Variants in FA2H observed in about 807,000 individuals in gnomAD.
FA2H encodes fatty acid alpha-hydroxylase.
In FA2H, 22 loss-of-function variants were observed where a neutral mutation model predicts 44.9. The ratio of observed to expected loss-of-function variants is 0.49; its 90% CI spans 0.35 to 0.70. The LOEUF is 0.70. Among genes scored for constraint, FA2H ranks in the 30% least tolerant of loss-of-function variants. The pLI, the probability that FA2H is intolerant of heterozygous loss-of-function variation, is 0.01. For missense variants in FA2H, 501 were observed against 504.9 expected (o/e 0.99, Z 0.07); for synonymous variants, 243 against 213.2 (o/e 1.14, Z -1.22).
chr16:74,725,080 A>G (rs929423576), intron 4 of FA2H, among the ~76,000 whole-genome samples: 13 of 152,158 alleles, frequency 8.5e-5, no homozygotes, highest in Admixed American at 7.9e-4. Flanking sequence ...TGAGCTATTC[A>G]GCGTGAGCAG....
rs1208446986 is a variant in FA2H, at chr16:74,741,808, A to ATG, written c.271-1695_271-1694dup. On this transcript the variant is annotated intron_variant, in intron 1 of 6. Coordinates refer to ENST00000219368, the MANE Select transcript of FA2H (RefSeq NM_024306.5). ...TATATATATATATATATATATATAT[A>ATG]TGTGTGTGTGTGTGTGTGTGTGTGT... Among the ~76,000 whole-genome samples, 278 of 48,260 alleles carry ATG rather than the reference A, an allele frequency of 5.8e-3. 3 individuals carry two copies. The highest frequency in any genetic ancestry group is 0.016 in the Middle Eastern group (2 of 122). The allele number at this position is 48,260 out of a possible 152,430, so 31.7% of individuals were successfully genotyped here. A position where few individuals can be genotyped will look rare whatever the true frequency, so the allele number is the denominator to read the frequency against.
intron 4 of FA2H, among the ~76,000 whole-genome samples, chr16:74,720,053 C>T (rs1207991565): frequency 4.6e-5 from 7 of 152,222 alleles, no homozygotes; most frequent in African/African-American, 1.7e-4. Flanking sequence ...GCACATGCTT[C>T]CCACCACCCT....
intron 1 of FA2H, among the ~76,000 whole-genome samples, chr16:74,761,416 G>A (rs2144658751): frequency 6.6e-6 from 1 of 151,038 alleles, no homozygotes; most frequent in East Asian, 2.0e-4. Flanking sequence ...TCACGCCACT[G>A]CACTCCAGCC....
chr16:74,723,445 C>T (rs1437491622), intron 4 of FA2H, among the ~76,000 whole-genome samples: 2 of 152,198 alleles, frequency 1.3e-5, no homozygotes, highest in African/African-American at 2.4e-5. Flanking sequence ...TGGGTGGCCA[C>T]GCCCTACTGG....
chr16:74,739,701 T>G (rs1314021182), intron 2 of FA2H, among the ~76,000 whole-genome samples: 2 of 152,196 alleles, frequency 1.3e-5, no homozygotes, highest in Non-Finnish European at 2.9e-5. Flanking sequence ...TGTCTGGGCC[T>G]GCCAAGCCTG....
intron 2 of FA2H, among the ~76,000 whole-genome samples, chr16:74,739,623 C>T (rs1962252097): frequency 6.6e-6 from 1 of 152,200 alleles, no homozygotes; most frequent in Admixed American, 6.5e-5. Flanking sequence ...CTGCACTGGC[C>T]AATGTCGCTT....
chr16:74,748,107 T>C (rs1597562308), intron 1 of FA2H, among the ~76,000 whole-genome samples: 1 of 151,998 alleles, frequency 6.6e-6, no homozygotes, highest in East Asian at 1.9e-4. Flanking sequence ...GGCATTCAAA[T>C]AGGACAGGCA....
intron 5 of FA2H, among the ~76,000 whole-genome samples, chr16:74,717,505 G>A (rs73614659): frequency 0.072 from 10,926 of 152,264 alleles, 803 homozygotes; most frequent in African/African-American, 0.19. Flanking sequence ...CCTGCAGTGT[G>A]AAAACTGCCC....
intron 1 of FA2H, among the ~76,000 whole-genome samples, chr16:74,771,513 T>C (rs542350692): frequency 3.3e-5 from 5 of 152,126 alleles, no homozygotes; most frequent in African/African-American, 1.2e-4. Flanking sequence ...TTTTTGTATT[T>C]TTAGTAGGGA....
rs1036642494 is a variant in FA2H at position 74,713,948 on chromosome 16, G to A, written c.*242C>T. ...TGTGGGCTGAGCTCTAGGCAGGGACGCTCCAGGAAGAAGTGGGTCACCAAG... is the reference window on the plus strand; with the variant it reads ...TGTGGGCTGAGCTCTAGGCAGGGACACTCCAGGAAGAAGTGGGTCACCAAG... On this transcript the variant is annotated 3_prime_UTR_variant, in exon 7 of 7. Coordinates refer to ENST00000219368, the MANE Select transcript of FA2H (RefSeq NM_024306.5). 1.5e-5 allele frequency: 8 copies of A among 547,148 alleles called. No individual in the cohort carries two copies. In the East Asian group the frequency reaches 1.5e-4, roughly 10 times the overall value. The allele number at this position is 547,148 out of a possible 1,614,324, so 33.9% of individuals were successfully genotyped here. A position where few individuals can be genotyped will look rare whatever the true frequency, so the allele number is the denominator to read the frequency against.
At chr16:74,736,872 T>C (rs1275693573) in intron 2 of FA2H, among the ~76,000 whole-genome samples, 1 of 152,194 alleles carries the variant, frequency 6.6e-6, no homozygotes, top group African/African-American at 2.4e-5. Flanking sequence ...GGCCGCTATC[T>C]GGGCTGCTAG....
intron 1 of FA2H, 65 bp from the exon 2 acceptor site, chr16:74,740,180 T>G: frequency 2.9e-6 from 4 of 1,376,508 alleles, no homozygotes; most frequent in Non-Finnish European, 4.1e-6. Flanking sequence ...AGCCCCGAGC[T>G]GCCCCGAGAA....
At chr16:74,734,237 C>T (rs916321224) in intron 2 of FA2H, among the ~76,000 whole-genome samples, 8 of 152,240 alleles carry the variant, frequency 5.3e-5, no homozygotes, top group African/African-American at 9.6e-5. Flanking sequence ...GGGGCTCCCA[C>T]GGCTCCCCCT....
chr16:74,740,490 C>T (rs772066239), intron 1 of FA2H, among the ~76,000 whole-genome samples: 12 of 151,380 alleles, frequency 7.9e-5, no homozygotes, highest in South Asian at 2.1e-4. Flanking sequence ...CGTGGTGGTG[C>T]GCCCCTGTAA....
chr16:74,718,261 A>C (rs568133353), intron 5 of FA2H, among the ~76,000 whole-genome samples: 1 of 152,318 alleles, frequency 6.6e-6, no homozygotes, highest in East Asian at 1.9e-4. Context: ...CATATCTGCC[A>C]TATTTTCTCT....
chr16:74,724,649 C>G (rs549684965), intron 4 of FA2H, among the ~76,000 whole-genome samples: 1 of 152,162 alleles, frequency 6.6e-6, no homozygotes, highest in Admixed American at 6.5e-5. Flanking sequence ...GAGGGAGGCA[C>G]GTGGAGACGT....
chr16:74,772,205 T>A (rs1028728894), intron 1 of FA2H, among the ~76,000 whole-genome samples: 1 of 152,174 alleles, frequency 6.6e-6, no homozygotes. Flanking sequence ...TGCAGTCTTT[T>A]ACTATGTCAA....
chr16:74,735,110 G>A (rs906465871), intron 2 of FA2H, among the ~76,000 whole-genome samples: 10 of 152,232 alleles, frequency 6.6e-5, no homozygotes, highest in Admixed American at 3.3e-4. Context: ...TGAGAAGACA[G>A]GGTCAGATGT....
At chr16:74,725,526 T>G (rs905541698) in intron 4 of FA2H, among the ~76,000 whole-genome samples, 2 of 152,218 alleles carry the variant, frequency 1.3e-5, no homozygotes, top group Admixed American at 1.3e-4. Flanking sequence ...AGCTAGAAGC[T>G]GGGGCGCACC....
Sources: gnomAD v4.1 joint callset for allele counts (sites outside exome capture counted in the v4.1 genomes callset) on GRCh38, gnomAD v4.1.1 for gene constraint, MANE v1.5 for transcripts, NCBI Gene and HGNC (gene_info 2026-07-23, HGNC 2026-07-21) for gene names.